LFNG: variants seen among roughly 807,000 people sequenced by gnomAD.
LFNG encodes the protein LFNG O-fucosylpeptide 3-beta-N-acetylglucosaminyltransferase.
A neutral mutation model predicts 32.7 loss-of-function variants in LFNG; 15 were observed. That is an observed-to-expected ratio of 0.46 (90% CI 0.31 to 0.71). The LOEUF (loss-of-function observed/expected upper bound fraction) is 0.71. LFNG is among the 30% of genes least tolerant of loss of function. LFNG has a pLI of 0.06. For missense variants in LFNG, 520 were observed against 545.7 expected (o/e 0.95, Z 0.47); for synonymous variants, 274 against 246.8 (o/e 1.11, Z -1.03).
intron 2 of LFNG, 60 bp downstream of exon 2, chr7:2,524,803 C>A (rs887016545): frequency 1.4e-6 from 2 of 1,449,958 alleles, no homozygotes; most frequent in East Asian, 2.5e-5. Flanking sequence ...CGAACGCTCC[C>A]CCTCCAGTCT....
rs920855895 is a variant in LFNG, at chr7:2,528,029, G to C, written c.*817G>C. The C allele has an allele frequency of 2.0e-6, 2 of 982,812 alleles. No homozygotes were observed. The highest frequency in any genetic ancestry group is 5.2e-4 in the Middle Eastern group (1 of 1,908). 60.9% of individuals were successfully genotyped at this position (982,812 alleles called of 1,614,324 possible). A position where few individuals can be genotyped will look rare whatever the true frequency, so the allele number is the denominator to read the frequency against. ...TTTTACTGTGCTGTTTTTTTTGAAA[G>C]GGGATGGGTAAAAAGTAGGGTGTTC... On this transcript the variant is annotated 3_prime_UTR_variant, in exon 8 of 8. Coordinates refer to ENST00000222725, the MANE Select transcript of LFNG (RefSeq NM_001040167.2).
rs1779741472 is a variant in LFNG at position 2,520,045 on chromosome 7, G to A, written c.184G>A (p.Ala62Thr). 7.3e-6 allele frequency: 8 copies of A among 1,090,508 alleles called. No homozygotes were observed. Among genetic ancestry groups the A allele is most frequent in the Non-Finnish European group, 8.9e-6 (8 of 900,306 alleles). The allele number at this position is 1,090,508 out of a possible 1,614,324, so 67.6% of individuals were successfully genotyped here. ...APAPGLGAAA[A>T]APGALVRDVH... ...GGCGCCCGGGCTGGGGGCGGCGGCG[G>A]CGGCGCCCGGGGCGCTGGTCCGCGA... The change falls in exon 1 of 8, where the codon GCG becomes ACG. Residue 62 changes from alanine (A) to threonine (T), a missense_variant. Ala to Thr is a moderately conservative substitution (Grantham distance 58). Coordinates refer to ENST00000222725, the MANE Select transcript of LFNG (RefSeq NM_001040167.2). The surrounding 1 kb of genome is among the most constrained non-coding windows in gnomAD (Gnocchi z 5.0).
upstream of LFNG, among the ~76,000 whole-genome samples, chr7:2,515,673 G>T (rs1267324119): frequency 1.3e-5 from 2 of 152,256 alleles, no homozygotes; most frequent in African/African-American, 4.8e-5. Context: ...AAGGCAGCCT[G>T]GTGGGCAGGG....
chr7:2,527,494 C>T lies in LFNG; in HGVS notation c.*282C>T, dbSNP rs899143224. 7.3e-7 allele frequency: 1 copy of T among 1,378,314 alleles called. No homozygotes were observed. The allele number at this position is 1,378,314 out of a possible 1,614,324, so 85.4% of individuals were successfully genotyped here. ...GGAGGAAGGATTTGTGTGTCGGAGG[C>T]CACTCCGAGGGCAATTCTGTTAGGA... On this transcript the variant is annotated 3_prime_UTR_variant, in exon 8 of 8. Coordinates refer to ENST00000222725, the MANE Select transcript of LFNG (RefSeq NM_001040167.2). This position sits in a 1 kb window ranked among gnomAD's most constrained non-coding sequence, Gnocchi z 4.4.
At position 2,525,762 on chromosome 7, in the gene LFNG, G is replaced by C; in HGVS notation, c.813G>C (p.Pro271=). 1.2e-6 allele frequency: 2 copies of C among 1,611,502 alleles called. No homozygotes were observed. The highest frequency in any genetic ancestry group is 1.7e-6 in the Non-Finnish European group (2 of 1,179,836). ...ISRGLALKMS[P]WASGGHFMNT... ...GTGGGCTGGCTCTGAAGATGAGCCCGTGGGCCAGGTGAGTGCCCTGCACAG... is the reference window on the plus strand; with the variant it reads ...GTGGGCTGGCTCTGAAGATGAGCCCCTGGGCCAGGTGAGTGCCCTGCACAG... Residue 271 remains proline (P), a synonymous_variant, in exon 5 of 8, where the codon CCG becomes CCC. Coordinates refer to ENST00000222725, the MANE Select transcript of LFNG (RefSeq NM_001040167.2).
At position 2,520,097 on chromosome 7, in the gene LFNG, G is replaced by T. The variant is rs750194490; in HGVS notation, c.236G>T (p.Ser79Ile). ...GTGCACAGTCTGTCCGAGTACTTCA[G>T]CCTGCTCACCCGCGCGCGCAGAGAT... ...RDVHSLSEYFSLLTRARRDAG... is the reference protein window; with the variant it reads ...RDVHSLSEYFILLTRARRDAG... The change falls in exon 1 of 8, where the codon AGC (serine) becomes ATC (isoleucine). Residue 79 changes from serine (S) to isoleucine (I), a missense_variant. Physicochemically the swap from Ser to Ile is moderately radical, Grantham distance 142. Transcript: ENST00000222725. This position sits in a 1 kb window ranked among gnomAD's most constrained non-coding sequence, Gnocchi z 5.0. The T allele has an allele frequency of 4.5e-6, 6 of 1,339,228 alleles. No homozygotes were observed. The South Asian group carries it at 8.8e-5, about 20-fold the overall frequency. 83.0% of individuals were successfully genotyped at this position (1,339,228 alleles called of 1,614,324 possible).
In LFNG at chr7:2,528,088, G is replaced by C. The variant is rs879475220; in HGVS notation, c.*876G>C. 8.9e-5 allele frequency: 13 copies of C among 145,604 alleles called. No individual in the cohort carries two copies. The highest frequency in any genetic ancestry group is 3.5e-3 in the Middle Eastern group (1 of 284). 9.0% of individuals were successfully genotyped at this position (145,604 alleles called of 1,614,324 possible). The stretch of plus-strand genomic sequence containing the variant: ...TGCTTGGGAGGGTGGGGGTGGGGGA[G>C]GGTCTTATTTTATCTTATCTTTTCT... On this transcript the variant is annotated 3_prime_UTR_variant, in exon 8 of 8. Transcript: ENST00000222725.
chr7:2,528,780 G>A (rs925141784), downstream of LFNG: 2 of 651,224 alleles, frequency 3.1e-6, no homozygotes, highest in African/African-American at 1.9e-5. Context: ...CTGCAGGAGG[G>A]ACAGTGACTC....
chr7:2,522,339 T>C lies in LFNG; in HGVS notation c.432+2046T>C, dbSNP rs544515420. On this transcript the variant is annotated intron_variant, in intron 1 of 7. Transcript: ENST00000222725. ...GGTTGTGCAGGAAACTTCTAGCAAC[T>C]GGAGTGGTGGCTGGGGGGAGGGTCG... Among the ~76,000 whole-genome samples the C allele has an allele frequency of 6.6e-5, 10 of 152,268 alleles. No homozygotes were observed. The East Asian group carries it at 1.9e-3, about 29-fold the overall frequency.
chr7:2,519,775 C>A lies in LFNG; in HGVS notation c.-87C>A. ...AGCGCGGGACACTGGTGCTGCGCTG[C>A]TGGACTGCGCCGCCGGAGCGACGGG... On this transcript the variant is annotated 5_prime_UTR_variant, in exon 1 of 8. It adds an upstream start codon to the 5' untranslated region. Coordinates refer to ENST00000222725, the MANE Select transcript of LFNG (RefSeq NM_001040167.2). 1 of 792,390 alleles carries A rather than the reference C, an allele frequency of 1.3e-6. No homozygotes were observed. The highest frequency in any genetic ancestry group is 1.5e-6 in the Non-Finnish European group (1 of 649,448). 49.1% of individuals were successfully genotyped at this position (792,390 alleles called of 1,614,324 possible).
chr7:2,521,608 C>G (rs988678684), intron 1 of LFNG, among the ~76,000 whole-genome samples: 9 of 152,226 alleles, frequency 5.9e-5, no homozygotes, highest in African/African-American at 2.2e-4. Context: ...AGCCTGGCCC[C>G]CCCACCCCCA....
At chr7:2,524,630 C>T (rs965152108) in intron 1 of LFNG, 65 bp from the exon 2 acceptor site, 12 of 1,485,414 alleles carry the variant, frequency 8.1e-6, no homozygotes, top group Middle Eastern at 1.7e-4. Flanking sequence ...CCCGTCCGGC[C>T]CCCACAGATG....
rs1206281189 is a variant in LFNG at position 2,528,151 on chromosome 7, C to T, written c.*939C>T. 1 of 985,474 alleles carries T rather than the reference C, an allele frequency of 1.0e-6. No homozygotes were observed. The highest frequency in any genetic ancestry group is 1.1e-4 in the East Asian group (1 of 8,816). 61.0% of individuals were successfully genotyped at this position (985,474 alleles called of 1,614,324 possible). A position where few individuals can be genotyped will look rare whatever the true frequency, so the allele number is the denominator to read the frequency against. ...AAACAGAAGCCAAACTCGGGGTCATCTTTGTTTTTAAAGCTGAAGTGGGAC... is the reference window on the plus strand; with the variant it reads ...AAACAGAAGCCAAACTCGGGGTCATTTTTGTTTTTAAAGCTGAAGTGGGAC... On this transcript the variant is annotated 3_prime_UTR_variant, in exon 8 of 8. Coordinates refer to ENST00000222725, the MANE Select transcript of LFNG (RefSeq NM_001040167.2).
chr7:2,514,658 T>C (rs1319210219), upstream of LFNG, among the ~76,000 whole-genome samples: 1 of 145,268 alleles, frequency 6.9e-6, no homozygotes, highest in Non-Finnish European at 1.5e-5. Context: ...ATCCATCCGT[T>C]AGTCTGTCTG....
At position 2,519,884 on chromosome 7, in the gene LFNG, G is replaced by T; in HGVS notation, c.23G>T (p.Arg8Leu). The T allele has an allele frequency of 9.1e-7, 1 of 1,103,568 alleles. No homozygotes were observed. The highest frequency in any genetic ancestry group is 3.0e-5 in the South Asian group (1 of 33,238). 68.4% of individuals were successfully genotyped at this position (1,103,568 alleles called of 1,614,324 possible). A position where few individuals can be genotyped will look rare whatever the true frequency, so the allele number is the denominator to read the frequency against. MLKRCGR[R>L]LLLALAGALL... is the part of the protein sequence containing the mutation. ...ACCATGCTCAAGCGCTGCGGCCGGC[G>T]CCTGCTGCTGGCGCTGGCGGGCGCG... is the stretch of plus-strand genomic sequence containing the variant. Residue 8 changes from arginine (R) to leucine (L), a missense_variant, in exon 1 of 8, where the codon CGC becomes CTC. By Grantham distance (102) the Arg-to-Leu change is moderately radical. Coordinates refer to ENST00000222725, the MANE Select transcript of LFNG (RefSeq NM_001040167.2).
At chr7:2,521,008 ACAGTGTGTGGGG>A (rs1779772337) in intron 1 of LFNG, among the ~76,000 whole-genome samples, 1 of 152,016 alleles carries the variant, frequency 6.6e-6, no homozygotes, top group African/African-American at 2.4e-5. Context: ...CGGGATGGGG[ACAGTGTGTGGGG>A]CTTGCAGTCG....
chr7:2,524,375 G>A (rs1370439954), intron 1 of LFNG, among the ~76,000 whole-genome samples: 2 of 152,194 alleles, frequency 1.3e-5, no homozygotes, highest in Non-Finnish European at 2.9e-5. Context: ...GTTACCTGGC[G>A]GGCGGGCGAG....
exon 1 of LFNG, chr7:2,512,613 G>A (rs770884772): frequency 4.4e-6 from 7 of 1,606,028 alleles, no homozygotes; most frequent in Non-Finnish European, 6.0e-6. Flanking sequence ...CACCCTCGCA[G>A]CTTCCTCCCT....
intron 1 of LFNG, among the ~76,000 whole-genome samples, chr7:2,521,993 G>T (rs1198763629): frequency 1.3e-5 from 2 of 152,310 alleles, no homozygotes; most frequent in South Asian, 2.1e-4. Flanking sequence ...CAGTTCACCA[G>T]CACACAGCAA....
Sources: allele counts gnomAD v4.1 joint callset (sites outside exome capture counted in the v4.1 genomes callset), GRCh38; gene constraint gnomAD v4.1.1; non-coding constraint Gnocchi (gnomAD v3.1); transcripts MANE v1.5; gene names NCBI Gene and HGNC (gene_info 2026-07-23, HGNC 2026-07-21).